STPG2: variants seen among roughly 807,000 people sequenced by gnomAD.
The protein encoded by STPG2 is sperm-tail PG-rich repeat-containing protein 2.
STPG2 carries 56 observed loss-of-function variants against 54.2 expected under a neutral mutation model. The ratio of observed to expected loss-of-function variants is 1.03; its 90% CI spans 0.83 to 1.29. The LOEUF (loss-of-function observed/expected upper bound fraction) is 1.29, where lower values mean the gene tolerates loss of function less well. STPG2 is among the 50% of genes most tolerant of loss of function. STPG2 has a pLI of 0.00. For missense variants in STPG2, 596 were observed against 544.9 expected (o/e 1.09, Z -0.93); for synonymous variants, 200 against 181.8 (o/e 1.10, Z -0.81).
intron 4 of STPG2, among the ~76,000 whole-genome samples, chr4:97,538,743 G>C (rs1221609307): frequency 6.6e-6 from 1 of 152,170 alleles, no homozygotes; most frequent in Admixed American, 6.5e-5. Context: ...ATAATTGTCA[G>C]ATTCACCAAA....
At chr4:97,638,980 C>A (rs1035542747) in intron 10 of STPG2, among the ~76,000 whole-genome samples, 10 of 151,574 alleles carry the variant, frequency 6.6e-5, no homozygotes, top group Non-Finnish European at 1.2e-4. Flanking sequence ...TTTGACCCGG[C>A]CATCCCATTA....
downstream of STPG2, among the ~76,000 whole-genome samples, chr4:97,554,335 A>C (rs1033337990): frequency 1.3e-5 from 2 of 152,212 alleles, no homozygotes; most frequent in African/African-American, 4.8e-5. Flanking sequence ...AAACCTGACA[A>C]GAAAGAATCC....
At chr4:97,701,012 T>A (rs983469251) in intron 10 of STPG2, among the ~76,000 whole-genome samples, 3 of 152,148 alleles carry the variant, frequency 2.0e-5, no homozygotes, top group African/African-American at 7.2e-5. Context: ...GAGAGGTGAG[T>A]GGGGATGTGG....
rs1733019319 is a variant in STPG2, at chr4:97,587,036, TAAA to T, written c.1321-27922_1321-27920del. Reference sequence around the variant, plus strand: ...TGTATGGCAATTATCAAAGTGGCTATAAAGGTAATGTTTGTCTTTGCTAGTAAA... The same window carrying T: ...TGTATGGCAATTATCAAAGTGGCTATGGTAATGTTTGTCTTTGCTAGTAAA... On this transcript the variant is annotated intron_variant, in intron 10 of 10. Coordinates refer to ENST00000295268, the MANE Select transcript of STPG2 (RefSeq NM_174952.3). Among the ~76,000 whole-genome samples the T allele has an allele frequency of 2.2e-4, 34 of 151,990 alleles. 1 individual carries two copies. Among genetic ancestry groups the T allele is most frequent in the Non-Finnish European group, 1.5e-5 (1 of 67,896 alleles).
chr4:97,454,507 G>A (rs1202824927), intron 4 of STPG2, among the ~76,000 whole-genome samples: 7 of 108,448 alleles, frequency 6.5e-5, no homozygotes, highest in South Asian at 3.4e-4. Context: ...GCGACAGAGC[G>A]AGACTCCGTC....
At chr4:98,140,776 T>C (rs1025093830) in intron 1 of STPG2, among the ~76,000 whole-genome samples, 1 of 151,966 alleles carries the variant, frequency 6.6e-6, no homozygotes, top group Non-Finnish European at 1.5e-5. Context: ...TTCAAAAAAG[T>C]AACTGGTTAT....
At chr4:98,045,708 A>C (rs943963019) in intron 5 of STPG2, among the ~76,000 whole-genome samples, 1 of 152,022 alleles carries the variant, frequency 6.6e-6, no homozygotes, top group East Asian at 1.9e-4. Context: ...AAAAATATTT[A>C]TTTATTTATT....
chr4:97,887,796 T>G (rs1170106692), intron 8 of STPG2, among the ~76,000 whole-genome samples: 1 of 152,160 alleles, frequency 6.6e-6, no homozygotes, highest in African/African-American at 2.4e-5. Flanking sequence ...CAGAGACATT[T>G]GGGGCAGCCC....
At chr4:98,090,246 C>A (rs1210595896) in intron 5 of STPG2, among the ~76,000 whole-genome samples, 1 of 152,102 alleles carries the variant, frequency 6.6e-6, no homozygotes, top group Non-Finnish European at 1.5e-5. Flanking sequence ...AGATGGAGAT[C>A]CAATTTCATT....
Position 97,896,412 on chromosome 4 carries a change from C to A in STPG2, c.1044+47485G>T, listed in dbSNP as rs565137194. 3.3e-5 allele frequency among the ~76,000 whole-genome samples: 5 copies of A among 151,608 alleles called. No homozygotes were observed. The South Asian group carries it at 6.2e-4, about 19-fold the overall frequency. On this transcript the variant is annotated intron_variant, in intron 8 of 10. Transcript: ENST00000295268. ...ACACAAATGGAAAATAAGAGAAAAA[C>A]CCCAAGTAAACAGTGTCAAAAGTAA...
chr4:97,768,909 C>T (rs567888859), intron 9 of STPG2, among the ~76,000 whole-genome samples: 1 of 152,088 alleles, frequency 6.6e-6, no homozygotes, highest in East Asian at 1.9e-4. Flanking sequence ...ACCACGTTAG[C>T]CAGGCTGGTC....
intron 9 of STPG2, among the ~76,000 whole-genome samples, chr4:97,792,184 T>A (rs747834466): frequency 5.9e-5 from 9 of 152,198 alleles, no homozygotes; most frequent in Non-Finnish European, 1.2e-4. Context: ...GAAATTAAGA[T>A]TTTTTATGTT....
chr4:97,976,361 T>C (rs1734499172), intron 6 of STPG2, among the ~76,000 whole-genome samples: 2 of 152,258 alleles, frequency 1.3e-5, no homozygotes, highest in South Asian at 4.1e-4. Flanking sequence ...GAGCATAACA[T>C]AGCACTTTGC....
chr4:97,862,158 G>C (rs113065590), intron 8 of STPG2, among the ~76,000 whole-genome samples: 3 of 151,980 alleles, frequency 2.0e-5, no homozygotes, highest in African/African-American at 7.2e-5. Flanking sequence ...ACCCATCAGT[G>C]TGCTGTATTC....
At chr4:97,956,229 T>C (rs1733667696) in intron 7 of STPG2, among the ~76,000 whole-genome samples, 1 of 152,160 alleles carries the variant, frequency 6.6e-6, no homozygotes, top group Non-Finnish European at 1.5e-5. Flanking sequence ...CTTATTGGAT[T>C]GCAATACATG....
chr4:97,769,201 T>C (rs1726149396), intron 9 of STPG2, among the ~76,000 whole-genome samples: 1 of 152,148 alleles, frequency 6.6e-6, no homozygotes, highest in African/African-American at 2.4e-5. Context: ...TTATACTTAG[T>C]TTACAGTATG....
At chr4:97,831,317 A>C (rs1728450864) in intron 9 of STPG2, among the ~76,000 whole-genome samples, 1 of 152,198 alleles carries the variant, frequency 6.6e-6, no homozygotes, top group African/African-American at 2.4e-5. Flanking sequence ...ATGTTCTTTG[A>C]AACCAATGAG....
intron 8 of STPG2, among the ~76,000 whole-genome samples, chr4:97,884,412 A>C (rs912316128): frequency 6.6e-6 from 1 of 152,188 alleles, no homozygotes; most frequent in African/African-American, 2.4e-5. Flanking sequence ...GTTCAAATTG[A>C]GATTCTTTTT....
At chr4:97,909,668 T>C (rs1731603168) in intron 8 of STPG2, among the ~76,000 whole-genome samples, 1 of 152,182 alleles carries the variant, frequency 6.6e-6, no homozygotes. Context: ...GTAATCAATA[T>C]AATTTACTTG....
Sources: allele counts gnomAD v4.1 joint callset (sites outside exome capture counted in the v4.1 genomes callset), GRCh38; gene constraint gnomAD v4.1.1; transcripts MANE v1.5; gene names NCBI Gene and HGNC (gene_info 2026-07-23, HGNC 2026-07-21).